Variants in JAK2 observed in about 807,000 individuals in gnomAD.
JAK2 encodes tyrosine-protein kinase JAK2.
JAK2 carries 86 observed loss-of-function variants against 139.3 expected under a neutral mutation model. That is an observed-to-expected ratio of 0.62 (90% CI 0.52 to 0.74). JAK2 has a LOEUF of 0.74. Ranked by LOEUF, JAK2 falls within the 30% of genes least tolerant of loss-of-function variation. JAK2 has a pLI of 0.00. For missense variants in JAK2, 1,421 were observed against 1,360.3 expected (o/e 1.04, Z -0.70); for synonymous variants, 490 against 437.7 (o/e 1.12, Z -1.49).
At chr9:5,085,612 T>C (rs1171783156) in intron 19 of JAK2, 2 of 700,712 alleles carry the variant, frequency 2.9e-6, no homozygotes, top group Non-Finnish European at 5.3e-6. Flanking sequence ...AAGAATTAAA[T>C]CTCCAGCAAG....
intron 14 of JAK2, 71 bp downstream of exon 14, chr9:5,073,856 T>C (rs1819136491): frequency 2.0e-6 from 2 of 1,013,446 alleles, no homozygotes; most frequent in Non-Finnish European, 3.0e-6. Context: ...AAAATTCAGT[T>C]TCAGGATCAC....
chr9:5,123,935 G>T (rs1823803477), intron 23 of JAK2, among the ~76,000 whole-genome samples: 1 of 148,888 alleles, frequency 6.7e-6, no homozygotes, highest in African/African-American at 2.5e-5. Flanking sequence ...ATCTCATTGT[G>T]ATTTTAATTT....
Position 5,110,995 on chromosome 9 carries a change from C to G in JAK2, c.3060-12009C>G, listed in dbSNP as rs552551494. 8 of 672,424 alleles carry G rather than the reference C, an allele frequency of 1.2e-5. 1 individual carries two copies. The highest frequency in any genetic ancestry group is 1.0e-4 in the South Asian group (7 of 67,776). The allele number at this position is 672,424 out of a possible 1,614,324, so 41.7% of individuals were successfully genotyped here. On this transcript the variant is annotated intron_variant, in intron 22 of 24. Coordinates refer to ENST00000381652, the MANE Select transcript of JAK2 (RefSeq NM_004972.4). ...GGACTTCAGCATGATGTTCCCGCTG[C>G]CCGTTGCCAACGGGAAGGGCCGGCC... is the stretch of plus-strand genomic sequence containing the variant.
intron 19 of JAK2, among the ~76,000 whole-genome samples, chr9:5,087,487 A>G (rs1345482125): frequency 2.1e-5 from 1 of 48,662 alleles, no homozygotes; most frequent in African/African-American, 2.2e-4. Flanking sequence ...CCCTTACTTG[A>G]TTTCTTTCCT....
At chr9:5,011,973 A>C (rs1390661348) in intron 2 of JAK2, among the ~76,000 whole-genome samples, 2 of 152,214 alleles carry the variant, frequency 1.3e-5, no homozygotes, top group African/African-American at 4.8e-5. Context: ...CTCCAGGACC[A>C]GATAGCTGTT....
At chr9:5,072,350 G>T in intron 12 of JAK2, 142 bp from the exon 13 acceptor site, 1 of 508,694 alleles carries the variant, frequency 2.0e-6, no homozygotes, top group East Asian at 3.1e-5. Context: ...CATTAATTTG[G>T]AGTCTTAAAT....
At chr9:5,080,786 C>G (rs573890136) in intron 18 of JAK2, 103 bp downstream of exon 18, 1 of 813,550 alleles carries the variant, frequency 1.2e-6, no homozygotes, top group African/African-American at 1.8e-5. Context: ...TTCTTGATGT[C>G]ATTTGGGCCC....
intron 5 of JAK2, among the ~76,000 whole-genome samples, chr9:5,047,803 AT>A (rs1461186395): frequency 6.6e-6 from 1 of 151,900 alleles, no homozygotes; most frequent in African/African-American, 2.4e-5. Flanking sequence ...GTCTCGCTCT[AT>A]TGTCCAGGCT....
At chr9:5,046,907 C>T (rs1285839637) in intron 5 of JAK2, among the ~76,000 whole-genome samples, 75 of 152,096 alleles carry the variant, frequency 4.9e-4, no homozygotes, top group Admixed American at 4.8e-3. Flanking sequence ...CATTTATAAG[C>T]CAAGTTTTCC....
intron 2 of JAK2, among the ~76,000 whole-genome samples, chr9:4,991,013 T>C (rs1178406487): frequency 6.6e-6 from 1 of 152,216 alleles, no homozygotes; most frequent in African/African-American, 2.4e-5. Context: ...CCTGTGTGCA[T>C]TGGTTCTGTG....
At position 5,066,771 on chromosome 9, in the gene JAK2, T is replaced by C; in HGVS notation, c.1308T>C (p.Phe436=). The stretch of plus-strand genomic sequence containing the variant: ...GTCCTAAGGACTTTAATAAATATTT[T>C]TTGACTTTTGCTGTCGAGGTTAGTA... ...RCSPKDFNKY[F]LTFAVERENV... Residue 436 remains phenylalanine (F), a synonymous_variant, in exon 10 of 25, where the codon TTT becomes TTC. Coordinates refer to ENST00000381652, the MANE Select transcript of JAK2 (RefSeq NM_004972.4). The C allele has an allele frequency of 6.4e-7, 1 of 1,556,302 alleles. No individual in the cohort carries two copies. The highest frequency in any genetic ancestry group is 2.3e-5 in the East Asian group (1 of 42,846).
intron 2 of JAK2, among the ~76,000 whole-genome samples, chr9:5,018,108 A>G (rs1415967692): frequency 6.6e-6 from 1 of 152,078 alleles, no homozygotes; most frequent in South Asian, 2.1e-4. Flanking sequence ...TTTATTCTTG[A>G]TATGTGAAGG....
At chr9:5,080,452 T>C (rs1299631891) in intron 17 of JAK2, 72 bp downstream of exon 17, 1 of 1,539,466 alleles carries the variant, frequency 6.5e-7, no homozygotes, top group East Asian at 2.3e-5. Flanking sequence ...TGATTTGTAT[T>C]TTTTAGCCCA....
chr9:5,008,446 A>T (rs1170432430), intron 2 of JAK2, among the ~76,000 whole-genome samples: 1 of 152,194 alleles, frequency 6.6e-6, no homozygotes, highest in African/African-American at 2.4e-5. Context: ...ACTTTTGGTG[A>T]TTGAGGAGGA....
chr9:5,107,299 C>T (rs1822042055), intron 22 of JAK2, among the ~76,000 whole-genome samples: 1 of 152,140 alleles, frequency 6.6e-6, no homozygotes, highest in African/African-American at 2.4e-5. Context: ...TTTACTTCCA[C>T]AAATTAATAT....
At chr9:5,112,424 G>A (rs750328612) in intron 22 of JAK2, 8 of 496,790 alleles carry the variant, frequency 1.6e-5, no homozygotes, top group East Asian at 3.9e-5. Flanking sequence ...ACACGTCGGC[G>A]GCTGACCACT....
In JAK2 at chr9:5,126,795, A is replaced by C. The variant is rs114173032; in HGVS notation, c.*4A>C. On this transcript the variant is annotated 3_prime_UTR_variant, in exon 25 of 25. Coordinates refer to ENST00000381652, the MANE Select transcript of JAK2 (RefSeq NM_004972.4). ...AAGGGATAACATGGCTGGATGAAAG[A>C]AATGACCTTCATTCTGAGACCAAAG... 5.6e-4 allele frequency: 888 copies of C among 1,576,226 alleles called. No individual in the cohort carries two copies. The African/African-American group carries it at 0.011, about 20-fold the overall frequency.
At chr9:5,042,252 C>T (rs1324522841) in intron 4 of JAK2, among the ~76,000 whole-genome samples, 1 of 151,810 alleles carries the variant, frequency 6.6e-6, no homozygotes, top group Non-Finnish European at 1.5e-5. Context: ...ATTCTCCTGC[C>T]TCAGCCTCCC....
At chr9:5,111,838 GGCGGGGCCGAC>G (rs1822587735) in intron 22 of JAK2, 1 of 404,020 alleles carries the variant, frequency 2.5e-6, no homozygotes, top group Non-Finnish European at 4.8e-6. Context: ...CACGCCTGTC[GGCGGGGCCGAC>G]AACCTCCTGG....
Sources: gnomAD v4.1 joint callset for allele counts (sites outside exome capture counted in the v4.1 genomes callset) on GRCh38, gnomAD v4.1.1 for gene constraint, MANE v1.5 for transcripts, NCBI Gene and HGNC (gene_info 2026-07-23, HGNC 2026-07-21) for gene names.